STRN: variants seen among roughly 807,000 people sequenced by gnomAD.
The protein encoded by STRN is striatin.
STRN carries 53 observed loss-of-function variants against 96.3 expected under a neutral mutation model. That is an observed-to-expected ratio of 0.55 (90% CI 0.44 to 0.69). The LOEUF is 0.69. STRN is among the 30% of genes least tolerant of loss of function. The probability of loss-of-function intolerance (pLI) is 0.00; values close to 1 mark genes in which losing one functional copy is unlikely to be tolerated. For missense variants in STRN, 987 were observed against 963.9 expected, an observed-to-expected ratio of 1.02 and a Z score of -0.32; for synonymous variants, 428 against 355.9, an observed-to-expected ratio of 1.20 and a Z score of -2.28.
intron 6 of STRN, among the ~76,000 whole-genome samples, chr2:36,896,341 T>A (rs924744855): frequency 6.6e-6 from 1 of 152,256 alleles, no homozygotes; most frequent in Non-Finnish European, 1.5e-5. Flanking sequence ...TACTATTTAC[T>A]AAGTATCTCA....
At position 36,848,704 on chromosome 2, in the gene STRN, A is replaced by G. The variant is rs537888742; in HGVS notation, c.*752T>C. On this transcript the variant is annotated 3_prime_UTR_variant, in exon 18 of 18. Coordinates refer to ENST00000263918, the MANE Select transcript of STRN (RefSeq NM_003162.4). ...CTGAATAAGTTAAATCTGTTAGTAA[A>G]AGCAGAGTCGATCAACTATTCTTCA... The G allele has an allele frequency of 6.6e-6, 1 of 152,380 alleles. No individual in the cohort carries two copies. Among genetic ancestry groups the G allele is most frequent in the East Asian group, 1.9e-4 (1 of 5,184 alleles). 9.4% of individuals were successfully genotyped at this position (152,380 alleles called of 1,614,324 possible). A position where few individuals can be genotyped will look rare whatever the true frequency, so the allele number is the denominator to read the frequency against.
At chr2:36,875,348 A>C (rs1668876110) in intron 10 of STRN, among the ~76,000 whole-genome samples, 1 of 152,000 alleles carries the variant, frequency 6.6e-6, no homozygotes, top group African/African-American at 2.4e-5. Context: ...CGTCTATACA[A>C]AAAATTAAAA....
intron 1 of STRN, among the ~76,000 whole-genome samples, chr2:36,950,915 T>G (rs141985396): frequency 2.6e-5 from 4 of 152,160 alleles, no homozygotes; most frequent in African/African-American, 9.7e-5. Context: ...TTCCAGATAA[T>G]TGAGGCATTT....
chr2:36,884,962 A>G (rs1201354637), intron 8 of STRN, among the ~76,000 whole-genome samples: 1 of 152,172 alleles, frequency 6.6e-6, no homozygotes, highest in Non-Finnish European at 1.5e-5. Flanking sequence ...AACTGAAGAC[A>G]TTAAACAAAA....
chr2:36,892,693 T>A (rs1248384215), intron 7 of STRN, among the ~76,000 whole-genome samples: 1 of 152,114 alleles, frequency 6.6e-6, no homozygotes, highest in Non-Finnish European at 1.5e-5. Context: ...TATCCTCTTC[T>A]GGGAAGAACA....
At chr2:36,905,794 A>G (rs898313433) in intron 3 of STRN, among the ~76,000 whole-genome samples, 176 bp from the exon 4 acceptor site, 2 of 152,190 alleles carry the variant, frequency 1.3e-5, no homozygotes, top group African/African-American at 4.8e-5. Flanking sequence ...CTATAACAAA[A>G]CTCTAATATA....
In STRN at chr2:36,846,933, G is replaced by A. The variant is rs562303020; in HGVS notation, c.*2523C>T. On this transcript the variant is annotated 3_prime_UTR_variant, in exon 18 of 18. Transcript: ENST00000263918. Reference sequence around the variant, plus strand: ...TTCAAACAAAATATTTACAAATGAAGCACTATGAAAGCATTTCAATGGCTG... The same window carrying A: ...TTCAAACAAAATATTTACAAATGAAACACTATGAAAGCATTTCAATGGCTG... 1.8e-3 allele frequency: 278 copies of A among 152,222 alleles called. 1 individual carries two copies. The Middle Eastern group carries it at 0.041, about 22-fold the overall frequency. 9.4% of individuals were successfully genotyped at this position (152,222 alleles called of 1,614,324 possible).
intron 1 of STRN, among the ~76,000 whole-genome samples, chr2:36,947,540 C>A (rs188001533): frequency 6.7e-6 from 1 of 148,490 alleles, no homozygotes. Context: ...CTTGATAACT[C>A]GGGAACATAT....
chr2:36,906,828 G>A lies in STRN; in HGVS notation c.413-1210C>T, dbSNP rs1669833225. ...CCCAACTACTCGGGAGGCTGAGGCA[G>A]GACAACCCCTTGAACCCAAGAAGCG... On this transcript the variant is annotated intron_variant, in intron 3 of 17. Coordinates refer to ENST00000263918, the MANE Select transcript of STRN (RefSeq NM_003162.4). 2.0e-5 allele frequency among the ~76,000 whole-genome samples: 3 copies of A among 152,024 alleles called. No homozygotes were observed. The South Asian group carries it at 6.2e-4, about 32-fold the overall frequency.
intron 7 of STRN, among the ~76,000 whole-genome samples, chr2:36,893,042 C>T (rs754270199): frequency 7.3e-5 from 11 of 150,956 alleles, no homozygotes; most frequent in Non-Finnish European, 1.3e-4. Flanking sequence ...CACTCCAGCC[C>T]GGGTGACAGA....
At chr2:36,915,102 C>CAGGA (rs1316966227) in intron 3 of STRN, among the ~76,000 whole-genome samples, 1 of 149,868 alleles carries the variant, frequency 6.7e-6, no homozygotes, top group Non-Finnish European at 1.5e-5. Context: ...GAGGCTGAGG[C>CAGGA]AGGAGAATGG....
At chr2:36,928,144 G>A (rs748816994) in intron 1 of STRN, among the ~76,000 whole-genome samples, 9 of 151,658 alleles carry the variant, frequency 5.9e-5, no homozygotes, top group Non-Finnish European at 1.2e-4. Context: ...AAAAAAAAAC[G>A]AATTCCTTCT....
rs1669470414 is a variant in STRN, at chr2:36,893,943, C to T, written c.886G>A (p.Glu296Lys). The T allele has an allele frequency of 6.2e-7, 1 of 1,613,562 alleles. No individual in the cohort carries two copies. Among genetic ancestry groups the T allele is most frequent in the African/African-American group, 1.3e-5 (1 of 74,986 alleles). The part of the protein sequence containing the change: ...KEFDFLVTSE[E>K]GDNESRSAGD... ...GCACTTCTAGATTCATTGTCTCCTT[C>T]CTCTGATGTAACCAAGAAGTCAAAC... Residue 296 changes from glutamate (E) to lysine (K), a missense_variant, in exon 7 of 18, where the codon GAA (glutamate) becomes AAA (lysine). Transcript: ENST00000263918.
chr2:36,874,237 C>T (rs1183976088), intron 10 of STRN, among the ~76,000 whole-genome samples: 1 of 150,454 alleles, frequency 6.6e-6, no homozygotes, highest in Admixed American at 6.6e-5. Context: ...GCACTACAGC[C>T]TGGGCGACAA....
rs192830115 is a variant in STRN at position 36,941,098 on chromosome 2, T to C, written c.235-15890A>G. On this transcript the variant is annotated intron_variant, in intron 1 of 17. Coordinates refer to ENST00000263918, the MANE Select transcript of STRN (RefSeq NM_003162.4). ...GAACCCAGGGAGCCTGAGGCTGCAG[T>C]AACCAGTTGATCCTGCCACTGCTCT... Among the ~76,000 whole-genome samples, 950 of 152,252 alleles carry C rather than the reference T, an allele frequency of 6.2e-3. 10 individuals are homozygous for C. The highest frequency in any genetic ancestry group is 0.021 in the African/African-American group (854 of 41,552).
Position 36,954,911 on chromosome 2 carries a change from T to C in STRN, c.234+11319A>G, listed in dbSNP as rs567015314. ...GCCTCAGCCTCCCAAAGTGCTAGGA[T>C]TAAAGGCATAAGCCACCATGCCCAG... is the stretch of plus-strand genomic sequence containing the variant. On this transcript the variant is annotated intron_variant, in intron 1 of 17. Transcript: ENST00000263918. 5.3e-5 allele frequency among the ~76,000 whole-genome samples: 8 copies of C among 152,192 alleles called. No homozygotes were observed. In the South Asian group the frequency reaches 6.2e-4, roughly 12 times the overall value.
At chr2:36,960,040 T>C (rs1431652379) in intron 1 of STRN, among the ~76,000 whole-genome samples, 2 of 152,294 alleles carry the variant, frequency 1.3e-5, no homozygotes, top group Non-Finnish European at 2.9e-5. Flanking sequence ...TATGAAATTA[T>C]CAAGAATATG....
chr2:36,905,404 G>GT, intron 4 of STRN, 136 bp downstream of exon 4: 1 of 722,922 alleles, frequency 1.4e-6, no homozygotes, highest in Non-Finnish European at 2.3e-6. Flanking sequence ...AAAAGGAACA[G>GT]TAATTCAATT....
intron 9 of STRN, among the ~76,000 whole-genome samples, chr2:36,878,955 G>A (rs895664831): frequency 6.6e-6 from 1 of 151,916 alleles, no homozygotes; most frequent in African/African-American, 2.4e-5. Context: ...GTTTCACCAT[G>A]TTGGCCAGGC....
Sources: allele counts gnomAD v4.1 joint callset (sites outside exome capture counted in the v4.1 genomes callset), GRCh38; gene constraint gnomAD v4.1.1; transcripts MANE v1.5; gene names NCBI Gene and HGNC (gene_info 2026-07-23, HGNC 2026-07-21).